SCAF11: variants seen among roughly 807,000 people sequenced by gnomAD.
SCAF11 encodes protein SCAF11.
SCAF11 carries 47 observed loss-of-function variants against 140.5 expected under a neutral mutation model. That is an observed-to-expected ratio of 0.33 (90% CI 0.26 to 0.43). SCAF11 has a LOEUF of 0.43. Among genes scored for constraint, SCAF11 ranks in the 20% least tolerant of loss-of-function variants. The pLI, the probability that SCAF11 is intolerant of heterozygous loss-of-function variation, is 1.00. For synonymous variants in SCAF11, 557 were observed against 579.4 expected (o/e 0.96, Z 0.55); for missense variants, 1,645 against 1,705.1 (o/e 0.96, Z 0.62).
intron 1 of SCAF11, chr12:45,975,111 AT>A (rs1946204798): frequency 6.6e-6 from 1 of 152,238 alleles, no homozygotes; most frequent in Admixed American, 6.5e-5. Flanking sequence ...AGCTCAAAAT[AT>A]TCAGTAAACC....
chr12:45,962,686 T>C (rs1945856819), intron 2 of SCAF11, among the ~76,000 whole-genome samples: 1 of 152,144 alleles, frequency 6.6e-6, no homozygotes, highest in Admixed American at 6.5e-5. Context: ...GGCACAACTG[T>C]CCAAACCAGT....
At chr12:45,976,410 T>C (rs1030585645) in intron 1 of SCAF11, among the ~76,000 whole-genome samples, 14 of 152,150 alleles carry the variant, frequency 9.2e-5, no homozygotes, top group Middle Eastern at 3.2e-3. Flanking sequence ...GTTAATCTTT[T>C]CTGCACCTAA....
At chr12:45,984,884 A>G (rs1303584814) in intron 1 of SCAF11, among the ~76,000 whole-genome samples, 2 of 152,164 alleles carry the variant, frequency 1.3e-5, no homozygotes, top group African/African-American at 4.8e-5. Flanking sequence ...TAGTAGAGAC[A>G]GGATTTTGCC....
Position 45,956,195 on chromosome 12 carries a change from T to TA in SCAF11, c.220-4469dup, listed in dbSNP as rs768782178. ...TAGGCTGCTTATAGATAGCTCCTCT[T>TA]AGAGAGAGAGAAACAAGTGTTAAGA... On this transcript the variant is annotated intron_variant, in intron 3 of 14. Transcript: ENST00000369367. 5 of 715,730 alleles carry TA rather than the reference T, an allele frequency of 7.0e-6. No homozygotes were observed. In the South Asian group the frequency reaches 7.4e-5, roughly 11 times the overall value. 44.3% of individuals were successfully genotyped at this position (715,730 alleles called of 1,614,324 possible). A position where few individuals can be genotyped will look rare whatever the true frequency, so the allele number is the denominator to read the frequency against.
intron 5 of SCAF11, 58 bp downstream of exon 5, chr12:45,948,379 G>T: frequency 9.2e-7 from 1 of 1,086,880 alleles, no homozygotes; most frequent in Non-Finnish European, 1.4e-6. Context: ...TACCTTTTTT[G>T]TACTAGTTAA....
chr12:45,990,761 G>A, upstream of SCAF11: 1 of 211,048 alleles, frequency 4.7e-6, no homozygotes, highest in Non-Finnish European at 8.2e-6. Flanking sequence ...CCGCAGGGGG[G>A]CGCTGGCAAA....
chr12:45,956,977 T>C (rs1210524168), intron 3 of SCAF11, among the ~76,000 whole-genome samples: 1 of 152,182 alleles, frequency 6.6e-6, no homozygotes, highest in Non-Finnish European at 1.5e-5. Context: ...GTGGTGGATC[T>C]GAAAAAATTA....
intron 1 of SCAF11, among the ~76,000 whole-genome samples, chr12:45,968,806 G>A (rs1946007899): frequency 1.3e-5 from 2 of 152,078 alleles, no homozygotes; most frequent in African/African-American, 4.8e-5. Flanking sequence ...GCCGGGCGTG[G>A]TGTAATCCCA....
intron 1 of SCAF11, among the ~76,000 whole-genome samples, chr12:45,988,736 C>T (rs535523558): frequency 6.6e-6 from 1 of 152,260 alleles, no homozygotes; most frequent in East Asian, 1.9e-4. Flanking sequence ...AGCAAACATT[C>T]AAATTTTACC....
At chr12:45,947,398 A>C (rs1297056032) in intron 5 of SCAF11, among the ~76,000 whole-genome samples, 1 of 152,232 alleles carries the variant, frequency 6.6e-6, no homozygotes, top group Non-Finnish European at 1.5e-5. Context: ...AACTAAAAAA[A>C]AGAAACCTGT....
chr12:45,925,214 T>G (rs902271634), intron 11 of SCAF11, 140 bp from the exon 12 acceptor site: 7 of 633,744 alleles, frequency 1.1e-5, no homozygotes, highest in African/African-American at 1.8e-5. Context: ...AATTGCTTAA[T>G]TTAATCCTGT....
At position 45,990,482 on chromosome 12, in the gene SCAF11, G is replaced by C. The variant is rs1214859831; in HGVS notation, c.-151C>G. 1 of 1,231,756 alleles carries C rather than the reference G, an allele frequency of 8.1e-7. No homozygotes were observed. The highest frequency in any genetic ancestry group is 1.0e-6 in the Non-Finnish European group (1 of 988,164). 76.3% of individuals were successfully genotyped at this position (1,231,756 alleles called of 1,614,324 possible). On this transcript the variant is annotated 5_prime_UTR_variant, in exon 1 of 15. Transcript: ENST00000369367. ...CTTTGTGGTGTTACAGGGTCTCTAG[G>C]ACACTGACTCCGCTGGCTCGGTCCG...
At position 45,972,911 on chromosome 12, in the gene SCAF11, TATATATATAGATATATAG is replaced by T. The variant is rs1946123782; in HGVS notation, c.-21-8741_-21-8724del. 7.7e-5 allele frequency among the ~76,000 whole-genome samples: 7 copies of T among 90,760 alleles called. 1 individual carries two copies. The highest frequency in any genetic ancestry group is 2.1e-4 in the African/African-American group (4 of 19,206). The allele number at this position is 90,760 out of a possible 152,430, so 59.5% of individuals were successfully genotyped here. ...ATATATAGATATATATATATATAGATATATATATAGATATATAGATATATATAGATATATATATAGATA... is the reference window on the plus strand; with the variant it reads ...ATATATAGATATATATATATATAGATATATATATAGATATATATATAGATA... On this transcript the variant is annotated intron_variant, in intron 1 of 14. Transcript: ENST00000369367.
Position 45,923,074 on chromosome 12 carries a change from C to T in SCAF11, c.3987G>A (p.Thr1329=), listed in dbSNP as rs749993569. Residue 1329 remains threonine, a synonymous_variant, in exon 13 of 15, where the codon ACG becomes ACA. Coordinates refer to ENST00000369367, the MANE Select transcript of SCAF11 (RefSeq NM_004719.3). ...LPAPTAAPGN[T]GMVQGPSSGN... is the part of the protein sequence containing the mutation. ...CAGAACTTGGTCCCTGAACCATTCC[C>T]GTATTTCCTGGGGCTGCTGTCGGAG... 1.6e-5 allele frequency: 26 copies of T among 1,614,142 alleles called. No individual in the cohort carries two copies. The highest frequency in any genetic ancestry group is 1.9e-5 in the Non-Finnish European group (23 of 1,180,004).
Position 45,928,486 on chromosome 12 carries a change from T to C in SCAF11, c.1215A>G (p.Ser405=), listed in dbSNP as rs774288554. The change falls in exon 11 of 15, where the codon TCA becomes TCG. Residue 405 remains serine, a synonymous_variant. Coordinates refer to ENST00000369367, the MANE Select transcript of SCAF11 (RefSeq NM_004719.3). ...CAGATTCTGCTGTTTCTTCATCTAC[T>C]GAATCATTGGAAGATGATTTTTCAG... ...AAPEKSSSND[S]VDEETAESDT... is the part of the protein sequence containing the mutation. 8 of 1,613,450 alleles carry C rather than the reference T, an allele frequency of 5.0e-6. No homozygotes were observed. Among genetic ancestry groups the C allele is most frequent in the Middle Eastern group, 3.3e-4 (2 of 6,062 alleles).
upstream of SCAF11, chr12:45,992,022 G>A (rs1360493374): frequency 7.8e-7 from 1 of 1,288,810 alleles, no homozygotes; most frequent in Non-Finnish European, 1.0e-6. Context: ...CCGCGGCCCC[G>A]CCGACCGACC....
At position 45,928,862 on chromosome 12, in the gene SCAF11, A is replaced by G. The variant is rs765355890; in HGVS notation, c.842-3T>C. 7.0e-7 allele frequency: 1 copy of G among 1,425,904 alleles called. No individual in the cohort carries two copies. Among genetic ancestry groups the G allele is most frequent in the South Asian group, 1.6e-5 (1 of 60,910 alleles). 88.3% of individuals were successfully genotyped at this position (1,425,904 alleles called of 1,614,324 possible). ...TGCATATCCCTTGCAAGAAGTACCT[A>G]ATAATATTTAAAAAAAAAAAAAAAG... On this transcript the variant is annotated splice_polypyrimidine_tract_variant and splice_region_variant and intron_variant, in intron 10 of 14. Coordinates refer to ENST00000369367, the MANE Select transcript of SCAF11 (RefSeq NM_004719.3).
rs1468384142 is a variant in SCAF11 at position 45,926,204 on chromosome 12, C to T, written c.3497G>A (p.Gly1166Asp). ...AGACTGTGGACCTGAAGAATTTCTGCCTCGTCGTGAGTAGTAGTTTTGTAC... is the reference window on the plus strand; with the variant it reads ...AGACTGTGGACCTGAAGAATTTCTGTCTCGTCGTGAGTAGTAGTTTTGTAC... ...ADVQNYYSRR[G>D]RNSSGPQSGW... Residue 1166 changes from glycine to aspartate, a missense_variant, in exon 11 of 15, where the codon GGC (glycine) becomes GAC (aspartate). Transcript: ENST00000369367. 8.7e-6 allele frequency: 14 copies of T among 1,614,020 alleles called. No homozygotes were observed. In the African/African-American group the frequency reaches 1.7e-4, roughly 20 times the overall value.
chr12:45,983,742 AACACACACACACAC>A (rs55655357), intron 1 of SCAF11, among the ~76,000 whole-genome samples: 100 of 133,994 alleles, frequency 7.5e-4, no homozygotes, highest in African/African-American at 2.4e-3. Context: ...CTAAACCTAA[AACACACACACACAC>A]ACACACACAC....
Sources: allele counts gnomAD v4.1 joint callset (sites outside exome capture counted in the v4.1 genomes callset), GRCh38; gene constraint gnomAD v4.1.1; transcripts MANE v1.5; gene names NCBI Gene and HGNC (gene_info 2026-07-23, HGNC 2026-07-21).